The following ASPH variants were observed in gnomAD, a reference collection of about 807,000 sequenced individuals.
ASPH encodes aspartate beta-hydroxylase.
In ASPH, 100 loss-of-function variants were observed where a neutral mutation model predicts 118.4. The ratio of observed to expected loss-of-function variants is 0.84; its 90% CI spans 0.72 to 1.00. The LOEUF (loss-of-function observed/expected upper bound fraction) is 1.00. Among genes scored for constraint, ASPH ranks in the 50% least tolerant of loss-of-function variants. The probability of loss-of-function intolerance (pLI) is 0.00; values close to 1 mark genes in which losing one functional copy is unlikely to be tolerated. For missense variants in ASPH, 920 were observed against 919.5 expected (o/e 1.00, Z -0.01); for synonymous variants, 315 against 325.6 (o/e 0.97, Z 0.35).
chr8:61,567,034 C>T (rs980719530), intron 17 of ASPH, 134 bp downstream of exon 17: 4 of 1,094,896 alleles, frequency 3.7e-6, no homozygotes, highest in South Asian at 1.6e-5. Flanking sequence ...CTAGGACAGA[C>T]ACATTACTTG....
intron 13 of ASPH, among the ~76,000 whole-genome samples, chr8:61,621,672 G>C (rs1394336841): frequency 1.3e-5 from 2 of 152,186 alleles, no homozygotes; most frequent in African/African-American, 4.8e-5. Flanking sequence ...AGGCAACTGA[G>C]GCATAGAGAG....
At chr8:61,693,653 G>A (rs577494932) in intron 1 of ASPH, among the ~76,000 whole-genome samples, 39 of 152,156 alleles carry the variant, frequency 2.6e-4, no homozygotes, top group Non-Finnish European at 5.0e-4. Context: ...CTCACCACAC[G>A]ACGCACAGAA....
chr8:61,528,628 C>T (rs1226547490), intron 21 of ASPH, among the ~76,000 whole-genome samples: 1 of 152,046 alleles, frequency 6.6e-6, no homozygotes, highest in Non-Finnish European at 1.5e-5. Context: ...GGCACAAAGC[C>T]CTAGGGAAAA....
At chr8:61,655,564 C>T (rs1399034939) in intron 3 of ASPH, among the ~76,000 whole-genome samples, 1 of 152,116 alleles carries the variant, frequency 6.6e-6, no homozygotes, top group African/African-American at 2.4e-5. Context: ...TGCCTGAAAA[C>T]CCCATTCTTA....
intron 2 of ASPH, among the ~76,000 whole-genome samples, chr8:61,681,386 T>A (rs1461078892): frequency 6.6e-6 from 1 of 151,830 alleles, no homozygotes; most frequent in Non-Finnish European, 1.5e-5. Flanking sequence ...GAAATAATAT[T>A]GATGCATTCC....
At chr8:61,538,500 C>T (rs898589960) in intron 21 of ASPH, among the ~76,000 whole-genome samples, 1 of 152,242 alleles carries the variant, frequency 6.6e-6, no homozygotes, top group Admixed American at 6.5e-5. Context: ...GACATTTTTG[C>T]TTTCTCAAAT....
At chr8:61,701,950 AT>A (rs1800447574) in intron 1 of ASPH, among the ~76,000 whole-genome samples, 2 of 152,332 alleles carry the variant, frequency 1.3e-5, no homozygotes, top group South Asian at 4.1e-4. Context: ...GTATTTAGTC[AT>A]TTTAAATGGA....
intron 21 of ASPH, among the ~76,000 whole-genome samples, chr8:61,541,055 C>T (rs1456067896): frequency 2.6e-5 from 4 of 151,978 alleles, no homozygotes; most frequent in Non-Finnish European, 5.9e-5. Context: ...GTCAGGAGAT[C>T]GAGACCATCC....
Position 61,693,737 on chromosome 8 carries a change from TG to T in ASPH, c.104-9550del, listed in dbSNP as rs1448685490. Among the ~76,000 whole-genome samples the T allele has an allele frequency of 1.6e-4, 25 of 152,338 alleles. 1 individual carries two copies. The highest frequency in any genetic ancestry group is 2.4e-4 in the Non-Finnish European group (16 of 68,028). On this transcript the variant is annotated intron_variant, in intron 1 of 24. Coordinates refer to ENST00000379454, the MANE Select transcript of ASPH (RefSeq NM_004318.4). ...TCCTCAACATTTTCTTCTTGGATCC[TG>T]TAGTTCTCTTATTTCTGCTTCCTGC...
At chr8:61,690,350 A>G (rs1832260874) in intron 1 of ASPH, among the ~76,000 whole-genome samples, 1 of 152,210 alleles carries the variant, frequency 6.6e-6, no homozygotes. Flanking sequence ...TTCACTAGAA[A>G]AGGAGGGACA....
At chr8:61,712,666 T>A (rs757300668) in intron 1 of ASPH, among the ~76,000 whole-genome samples, 1 of 152,232 alleles carries the variant, frequency 6.6e-6, no homozygotes, top group Non-Finnish European at 1.5e-5. Context: ...TTTAAGTTAC[T>A]GCATTTTCTA....
intron 14 of ASPH, among the ~76,000 whole-genome samples, chr8:61,598,320 C>T (rs1207686961): frequency 6.6e-6 from 1 of 151,958 alleles, no homozygotes; most frequent in African/African-American, 2.4e-5. Flanking sequence ...AAAAGATATG[C>T]AGGCAAATAC....
rs949761 is a variant in ASPH at position 61,653,338 on chromosome 8, G to A, written c.415+230C>T. ...AGTTCATGACGTTCCTAAATGTGTG[G>A]TTTTGGACAAAGAACAACTGTCTGC... is the stretch of plus-strand genomic sequence containing the variant. On this transcript the variant is annotated intron_variant, in intron 4 of 24. Coordinates refer to ENST00000379454, the MANE Select transcript of ASPH (RefSeq NM_004318.4). Among the ~76,000 whole-genome samples, 21,912 of 152,192 alleles carry A rather than the reference G, an allele frequency of 0.14. 1,615 individuals are homozygous for A. The highest frequency in any genetic ancestry group is 0.19 in the African/African-American group (7,686 of 41,504).
chr8:61,584,804 C>T (rs1838834113), intron 14 of ASPH, among the ~76,000 whole-genome samples: 1 of 152,060 alleles, frequency 6.6e-6, no homozygotes, highest in Non-Finnish European at 1.5e-5. Flanking sequence ...CCACTGTGCC[C>T]AACCTGTGCC....
At chr8:61,524,739 A>C (rs1302444338) in intron 22 of ASPH, among the ~76,000 whole-genome samples, 1 of 149,284 alleles carries the variant, frequency 6.7e-6, no homozygotes, top group Non-Finnish European at 1.5e-5. Flanking sequence ...TTGCATATTA[A>C]TTTTATCAAA....
intron 2 of ASPH, chr8:61,682,416 G>A (rs1201271606): frequency 1.2e-6 from 2 of 1,608,814 alleles, no homozygotes; most frequent in Admixed American, 1.7e-5. Flanking sequence ...ACGTAGACTT[G>A]AAATGCAACT....
chr8:61,523,620 A>G (rs941442608), intron 22 of ASPH, among the ~76,000 whole-genome samples: 4 of 152,030 alleles, frequency 2.6e-5, no homozygotes, highest in Non-Finnish European at 4.4e-5. Context: ...CCGAGCCCCA[A>G]ATTTATTCTT....
chr8:61,562,305 C>G (rs1338437220), intron 18 of ASPH, among the ~76,000 whole-genome samples: 2 of 142,952 alleles, frequency 1.4e-5, no homozygotes, highest in Admixed American at 1.5e-4. Context: ...ATTTATGTCA[C>G]ATGCTTGAAA....
At chr8:61,624,289 C>T (rs888830747) in intron 13 of ASPH, 1 of 985,118 alleles carries the variant, frequency 1.0e-6, no homozygotes, top group African/African-American at 1.7e-5. Context: ...AGGTGCAGGA[C>T]AAAATCTACA....
Sources: allele counts gnomAD v4.1 joint callset (sites outside exome capture counted in the v4.1 genomes callset), GRCh38; gene constraint gnomAD v4.1.1; transcripts MANE v1.5; gene names NCBI Gene and HGNC (gene_info 2026-07-23, HGNC 2026-07-21).